XIRP2: variants seen among roughly 807,000 people sequenced by gnomAD.
XIRP2 encodes the protein xin actin-binding repeat-containing protein 2.
XIRP2 carries 236 observed loss-of-function variants against 277.0 expected under a neutral mutation model. The ratio of observed to expected loss-of-function variants is 0.85; its 90% CI spans 0.77 to 0.95. The LOEUF is 0.95. Among genes scored for constraint, XIRP2 ranks in the 40% least tolerant of loss-of-function variants. The pLI is 0.00. For synonymous variants in XIRP2, 1,490 were observed against 1,416.5 expected (o/e 1.05, Z -1.17); for missense variants, 4,640 against 4,157.5 (o/e 1.12, Z -3.19).
intron 5 of XIRP2, among the ~76,000 whole-genome samples, chr2:167,234,564 A>C: frequency 6.6e-6 from 1 of 151,668 alleles, no homozygotes; most frequent in East Asian, 1.9e-4. Context: ...TCTTGTTTAA[A>C]AATTTAGTGC....
chr2:166,983,518 G>T (rs1194584853), intron 2 of XIRP2, among the ~76,000 whole-genome samples: 1 of 152,098 alleles, frequency 6.6e-6, no homozygotes, highest in African/African-American at 2.4e-5. Flanking sequence ...TTGTTGGTAT[G>T]CTATAGACAC....
chr2:167,023,103 C>G (rs1688033217), intron 2 of XIRP2, among the ~76,000 whole-genome samples: 1 of 152,168 alleles, frequency 6.6e-6, no homozygotes, highest in Non-Finnish European at 1.5e-5. Context: ...TCTCCACATC[C>G]CCTCCAGCAC....
intron 2 of XIRP2, among the ~76,000 whole-genome samples, chr2:166,986,918 T>C (rs1167490554): frequency 6.6e-6 from 1 of 152,190 alleles, no homozygotes; most frequent in Non-Finnish European, 1.5e-5. Flanking sequence ...ATTTTGGGTT[T>C]TTTCCAAGAA....
At chr2:167,232,817 T>C (rs1694798658) in intron 5 of XIRP2, among the ~76,000 whole-genome samples, 1 of 151,828 alleles carries the variant, frequency 6.6e-6, no homozygotes, top group Non-Finnish European at 1.5e-5. Context: ...AGTGAGCAAA[T>C]GTGATACTAA....
chr2:167,198,405 C>T (rs574838272), intron 3 of XIRP2, among the ~76,000 whole-genome samples: 43 of 152,190 alleles, frequency 2.8e-4, no homozygotes, highest in Non-Finnish European at 5.7e-4. Context: ...AAGATGTATA[C>T]AACATTATTC....
At chr2:167,203,405 T>C (rs1275950722) in intron 3 of XIRP2, among the ~76,000 whole-genome samples, 5 of 152,286 alleles carry the variant, frequency 3.3e-5, no homozygotes, top group Non-Finnish European at 7.4e-5. Context: ...AATAATCAAA[T>C]GAATGGATGG....
At chr2:167,163,417 T>C (rs911944383) in intron 3 of XIRP2, among the ~76,000 whole-genome samples, 5 of 152,206 alleles carry the variant, frequency 3.3e-5, no homozygotes, top group African/African-American at 1.2e-4. Context: ...TGATGACTGA[T>C]GATATTGAAC....
chr2:167,157,581 T>TCA (rs1692238060), intron 3 of XIRP2, among the ~76,000 whole-genome samples: 1 of 151,856 alleles, frequency 6.6e-6, no homozygotes, highest in African/African-American at 2.4e-5. Flanking sequence ...CACACCACAC[T>TCA]CACACACACA....
intron 3 of XIRP2, among the ~76,000 whole-genome samples, chr2:167,168,988 T>C (rs1332774304): frequency 5.9e-5 from 9 of 152,214 alleles, no homozygotes; most frequent in African/African-American, 2.2e-4. Flanking sequence ...GTCCCTGCCA[T>C]ATCTGAGTCT....
chr2:167,131,760 T>G (rs1363708843), intron 2 of XIRP2, among the ~76,000 whole-genome samples: 1 of 152,152 alleles, frequency 6.6e-6, no homozygotes, highest in Non-Finnish European at 1.5e-5. Context: ...GCCTGTTGTT[T>G]CAATTACCAC....
chr2:167,024,648 G>A (rs1390659453), intron 2 of XIRP2, among the ~76,000 whole-genome samples: 1 of 152,130 alleles, frequency 6.6e-6, no homozygotes, highest in African/African-American at 2.4e-5. Context: ...AATGTATTGA[G>A]AGTTTTTAGC....
At chr2:166,921,490 A>G (rs760443449) in intron 2 of XIRP2, among the ~76,000 whole-genome samples, 1 of 152,252 alleles carries the variant, frequency 6.6e-6, no homozygotes. Flanking sequence ...GTTTACATAC[A>G]TCGCTCCATC....
chr2:167,254,447 G>C (rs1307756268), intron 10 of XIRP2, among the ~76,000 whole-genome samples: 3 of 151,932 alleles, frequency 2.0e-5, no homozygotes, highest in Non-Finnish European at 4.4e-5. Flanking sequence ...AGATTTTTAA[G>C]TTAGTGTGTT....
chr2:166,939,159 A>G (rs1259000057), intron 2 of XIRP2, among the ~76,000 whole-genome samples: 6 of 152,148 alleles, frequency 3.9e-5, no homozygotes, highest in Non-Finnish European at 7.4e-5. Context: ...TATTTTGCTC[A>G]TTAATTGATG....
intron 2 of XIRP2, among the ~76,000 whole-genome samples, chr2:166,977,120 TC>T (rs991857669): frequency 6.6e-6 from 1 of 152,206 alleles, no homozygotes; most frequent in African/African-American, 2.4e-5. Flanking sequence ...TATTTTTTTT[TC>T]CTCTTGCTAC....
At chr2:167,173,043 G>A (rs938185816) in intron 3 of XIRP2, among the ~76,000 whole-genome samples, 1 of 152,278 alleles carries the variant, frequency 6.6e-6, no homozygotes, top group African/African-American at 2.4e-5. Context: ...CTTCTGACAT[G>A]GCTTCAGCCG....
chr2:167,057,460 T>C (rs1275429448), intron 2 of XIRP2, among the ~76,000 whole-genome samples: 1 of 152,178 alleles, frequency 6.6e-6, no homozygotes, highest in Non-Finnish European at 1.5e-5. Flanking sequence ...TTGGCAGACA[T>C]AGAATGCTGA....
Position 167,030,128 on chromosome 2 carries a change from C to A in XIRP2, c.409-105781C>A, listed in dbSNP as rs571681158. ...TTTTATTCTTTATTAGTCTGGCTAG[C>A]AGTCTATCTATTTTGTTAATTTTTC... On this transcript the variant is annotated intron_variant, in intron 2 of 10. Coordinates refer to ENST00000409195, the MANE Select transcript of XIRP2 (RefSeq NM_152381.6). 5.3e-5 allele frequency among the ~76,000 whole-genome samples: 8 copies of A among 152,062 alleles called. No homozygotes were observed. In the East Asian group the frequency reaches 1.5e-3, roughly 29 times the overall value.
chr2:166,937,718 C>T (rs910695039), intron 2 of XIRP2, among the ~76,000 whole-genome samples: 2 of 152,168 alleles, frequency 1.3e-5, no homozygotes, highest in Non-Finnish European at 2.9e-5. Flanking sequence ...GTGAATCCAT[C>T]TGGTCCTGGA....
Sources: allele counts gnomAD v4.1 joint callset (sites outside exome capture counted in the v4.1 genomes callset), GRCh38; gene constraint gnomAD v4.1.1; transcripts MANE v1.5; gene names NCBI Gene and HGNC (gene_info 2026-07-23, HGNC 2026-07-21).